GRIA1: variants seen among roughly 807,000 people sequenced by gnomAD.
GRIA1 encodes the protein glutamate ionotropic receptor AMPA type subunit 1, also known as glutamate receptor 1.
In GRIA1, 31 loss-of-function variants were observed where a neutral mutation model predicts 99.2. The ratio of observed to expected loss-of-function variants is 0.31; its 90% CI spans 0.23 to 0.42. The LOEUF (loss-of-function observed/expected upper bound fraction) is 0.42, where lower values mean the gene tolerates loss of function less well. GRIA1 is among the 10% of genes least tolerant of loss of function. GRIA1 has a pLI of 1.00. For synonymous variants in GRIA1, 438 were observed against 432.4 expected (o/e 1.01, Z -0.16); for missense variants, 782 against 1,157.5 (o/e 0.68, Z 4.71).
At chr5:153,537,658 G>A (rs986480028) in intron 2 of GRIA1, among the ~76,000 whole-genome samples, 1 of 152,146 alleles carries the variant, frequency 6.6e-6, no homozygotes, top group Non-Finnish European at 1.5e-5. Flanking sequence ...TGAGGGCCTT[G>A]GTGTCAGAAC....
intron 11 of GRIA1, among the ~76,000 whole-genome samples, chr5:153,720,597 C>G (rs535201256): frequency 6.6e-6 from 1 of 152,278 alleles, no homozygotes; most frequent in African/African-American, 2.4e-5. Flanking sequence ...GCATATCCAC[C>G]TGAGAAGTAA....
chr5:153,795,371 G>A (rs1765581142), intron 14 of GRIA1: 2 of 672,020 alleles, frequency 3.0e-6, no homozygotes, highest in South Asian at 1.7e-5. Flanking sequence ...CTTTGTCAGT[G>A]CATATGATCT....
chr5:153,762,853 T>A (rs1295586891), intron 11 of GRIA1, among the ~76,000 whole-genome samples: 1 of 152,164 alleles, frequency 6.6e-6, no homozygotes, highest in Non-Finnish European at 1.5e-5. Flanking sequence ...CTTCCTCATA[T>A]TTAAGTAGTA....
intron 2 of GRIA1, among the ~76,000 whole-genome samples, chr5:153,609,649 C>T (rs1765798802): frequency 6.7e-6 from 1 of 148,736 alleles, no homozygotes; most frequent in East Asian, 2.0e-4. Context: ...CTGCAGGCTC[C>T]ACCTTCCGGG....
At chr5:153,546,877 G>A (rs746975078) in intron 2 of GRIA1, among the ~76,000 whole-genome samples, 1 of 152,200 alleles carries the variant, frequency 6.6e-6, no homozygotes, top group Non-Finnish European at 1.5e-5. Context: ...TCACCAAAAT[G>A]TGTAAGTAGA....
intron 13 of GRIA1, among the ~76,000 whole-genome samples, chr5:153,775,493 G>A (rs749061709): frequency 6.6e-6 from 1 of 152,194 alleles, no homozygotes; most frequent in Non-Finnish European, 1.5e-5. Context: ...GGGCAGGAGT[G>A]CAGTACAGCT....
chr5:153,495,451 G>A (rs1754319191), intron 2 of GRIA1, among the ~76,000 whole-genome samples: 1 of 152,146 alleles, frequency 6.6e-6, no homozygotes, highest in South Asian at 2.1e-4. Context: ...CATGTTCCTG[G>A]ATACTGTGAC....
intron 2 of GRIA1, among the ~76,000 whole-genome samples, chr5:153,522,166 T>C (rs1197584170): frequency 6.6e-6 from 1 of 152,254 alleles, no homozygotes; most frequent in East Asian, 1.9e-4. Context: ...CACTACTTTC[T>C]AGCTGTGTAA....
intron 2 of GRIA1, among the ~76,000 whole-genome samples, chr5:153,512,716 G>A (rs1433427669): frequency 2.0e-5 from 3 of 152,170 alleles, no homozygotes; most frequent in Admixed American, 2.0e-4. Flanking sequence ...TCATCTAATT[G>A]CGTTTAAACT....
chr5:153,596,144 G>A (rs2149391592), intron 2 of GRIA1, among the ~76,000 whole-genome samples: 1 of 152,158 alleles, frequency 6.6e-6, no homozygotes, highest in East Asian at 1.9e-4. Context: ...ATCATGGCTG[G>A]CATCCCAGAA....
intron 8 of GRIA1, among the ~76,000 whole-genome samples, chr5:153,687,063 A>G (rs1757394052): frequency 6.6e-6 from 1 of 152,128 alleles, no homozygotes; most frequent in South Asian, 2.1e-4. Flanking sequence ...CTTGCCTGCC[A>G]ATCCCTCCTC....
At chr5:153,762,165 G>A (rs967200604) in intron 11 of GRIA1, among the ~76,000 whole-genome samples, 7 of 152,144 alleles carry the variant, frequency 4.6e-5, no homozygotes, top group African/African-American at 7.2e-5. Context: ...ATAATATTTT[G>A]AATGTTCTCA....
intron 2 of GRIA1, among the ~76,000 whole-genome samples, chr5:153,632,665 C>CA (rs1753066154): frequency 6.6e-6 from 1 of 152,104 alleles, no homozygotes; most frequent in African/African-American, 2.4e-5. Flanking sequence ...CTATGGTCCT[C>CA]ACGTCACAGG....
intron 11 of GRIA1, among the ~76,000 whole-genome samples, chr5:153,755,161 G>A (rs1179402838): frequency 1.3e-5 from 2 of 152,164 alleles, no homozygotes; most frequent in African/African-American, 4.8e-5. Context: ...ATCACACAAG[G>A]CCTCGAGGCT....
chr5:153,750,186 T>C (rs983261065), intron 11 of GRIA1, among the ~76,000 whole-genome samples: 4 of 152,150 alleles, frequency 2.6e-5, no homozygotes, highest in Non-Finnish European at 5.9e-5. Context: ...CCAGCACTAA[T>C]TACCCTGGTC....
chr5:153,770,225 T>A lies in GRIA1; in HGVS notation c.2080T>A (p.Ser694Thr). 1 of 1,613,832 alleles carries A rather than the reference T, an allele frequency of 6.2e-7. No homozygotes were observed. Among genetic ancestry groups the A allele is most frequent in the Non-Finnish European group, 8.5e-7 (1 of 1,179,826 alleles). Residue 694 changes from serine to threonine, a missense_variant, in exon 13 of 16, where the codon TCA (serine) becomes ACA (threonine). Transcript: ENST00000285900. ...MWTYMKSAEPSVFVRTTEEGM... is the reference protein window; with the variant it reads ...MWTYMKSAEPTVFVRTTEEGM... ...GACATACATGAAGTCAGCAGAGCCA[T>A]CAGTTTTTGTGCGGACCACAGAGGA...
chr5:153,727,051 C>A (rs1318992198), intron 11 of GRIA1, among the ~76,000 whole-genome samples: 3 of 152,256 alleles, frequency 2.0e-5, no homozygotes, highest in East Asian at 3.9e-4. Flanking sequence ...ATCAAGTGGG[C>A]TTCATCCCTG....
chr5:153,725,210 C>T (rs1023342883), intron 11 of GRIA1, among the ~76,000 whole-genome samples: 2 of 151,620 alleles, frequency 1.3e-5, no homozygotes, highest in African/African-American at 4.8e-5. Flanking sequence ...GAGATTTTGT[C>T]ACCACCAGGC....
chr5:153,554,077 A>G lies in GRIA1; in HGVS notation c.220+60012A>G, dbSNP rs1011545059. 2.6e-5 allele frequency among the ~76,000 whole-genome samples: 4 copies of G among 152,192 alleles called. No homozygotes were observed. The East Asian group carries it at 7.7e-4, about 29-fold the overall frequency. ...GAGAAAAATAGTTCCAGTTGTCTTT[A>G]TAAGTGGTTCAAAACTCTGTGAGCT... On this transcript the variant is annotated intron_variant, in intron 2 of 15. Coordinates refer to ENST00000285900, the MANE Select transcript of GRIA1 (RefSeq NM_000827.4).
Sources: gnomAD v4.1 joint callset for allele counts (sites outside exome capture counted in the v4.1 genomes callset) on GRCh38, gnomAD v4.1.1 for gene constraint, MANE v1.5 for transcripts, NCBI Gene and HGNC (gene_info 2026-07-23, HGNC 2026-07-21) for gene names.